OSBPL10: variants seen among roughly 807,000 people sequenced by gnomAD.
OSBPL10 encodes oxysterol-binding protein-related protein 10.
A neutral mutation model predicts 81.7 loss-of-function variants in OSBPL10; 49 were observed. The observed-to-expected ratio is 0.60, with a 90% CI of 0.48 to 0.76. The LOEUF (loss-of-function observed/expected upper bound fraction) is 0.76, where lower values mean the gene tolerates loss of function less well. OSBPL10 is among the 30% of genes least tolerant of loss of function. OSBPL10 has a pLI of 0.00. For synonymous variants in OSBPL10, 419 were observed against 383.6 expected, an observed-to-expected ratio of 1.09 and a Z score of -1.08; for missense variants, 923 against 987.8, an observed-to-expected ratio of 0.93 and a Z score of 0.88.
chr3:31,828,158 G>A (rs754380884), intron 4 of OSBPL10, among the ~76,000 whole-genome samples: 12 of 152,132 alleles, frequency 7.9e-5, no homozygotes, highest in Non-Finnish European at 1.3e-4. Flanking sequence ...ACTAATCTGC[G>A]ATGAGGTCTA....
chr3:31,823,753 C>T (rs532483921), intron 4 of OSBPL10, among the ~76,000 whole-genome samples: 4 of 151,974 alleles, frequency 2.6e-5, no homozygotes, highest in East Asian at 1.9e-4. Flanking sequence ...ATCTAGAGTG[C>T]GTGTTATATT....
chr3:31,779,536 C>G (rs527836831), intron 4 of OSBPL10, among the ~76,000 whole-genome samples: 56 of 152,158 alleles, frequency 3.7e-4, no homozygotes, highest in Non-Finnish European at 6.6e-4. Context: ...ATATATGCAC[C>G]TGGAGCTCCC....
At chr3:32,056,782 G>A (rs1020885561) in intron 1 of OSBPL10, among the ~76,000 whole-genome samples, 3 of 152,200 alleles carry the variant, frequency 2.0e-5, no homozygotes, top group Admixed American at 1.3e-4. Flanking sequence ...TTGAAAAGGG[G>A]CTGGGTAAAA....
chr3:32,054,526 C>CTTTTTTTTTTTTTTTT (rs755489489), intron 1 of OSBPL10, among the ~76,000 whole-genome samples: 2 of 86,624 alleles, frequency 2.3e-5, no homozygotes, highest in Non-Finnish European at 4.0e-5. Context: ...TCAATGGTGG[C>CTTTTTTTTTTTTTTTT]TTTTTTTTTT....
At chr3:31,765,378 C>T (rs1437298041) in intron 4 of OSBPL10, among the ~76,000 whole-genome samples, 2 of 151,984 alleles carry the variant, frequency 1.3e-5, no homozygotes, top group Admixed American at 1.3e-4. Context: ...TTTCTCTTGC[C>T]CTTACCAGGC....
chr3:31,690,742 T>C (rs986174694), intron 7 of OSBPL10, among the ~76,000 whole-genome samples: 4 of 152,170 alleles, frequency 2.6e-5, no homozygotes, highest in African/African-American at 9.7e-5. Flanking sequence ...GGGAGCAGAA[T>C]TACTATTTCC....
intron 3 of OSBPL10, among the ~76,000 whole-genome samples, chr3:31,862,585 T>C (rs922770604): frequency 2.0e-5 from 3 of 152,182 alleles, no homozygotes; most frequent in Admixed American, 2.0e-4. Flanking sequence ...ATAACTCATA[T>C]GACTCAATAA....
At chr3:32,049,928 C>G (rs1156374385) in intron 1 of OSBPL10, among the ~76,000 whole-genome samples, 2 of 152,158 alleles carry the variant, frequency 1.3e-5, no homozygotes, top group African/African-American at 2.4e-5. Context: ...CACTTTTCTC[C>G]CTTCCCTTTC....
At chr3:31,827,665 T>C (rs942186025) in intron 4 of OSBPL10, among the ~76,000 whole-genome samples, 3 of 152,014 alleles carry the variant, frequency 2.0e-5, no homozygotes, top group African/African-American at 7.2e-5. Context: ...TTTAGATTGC[T>C]CTGTATAGAT....
chr3:31,701,231 G>A (rs1299174211), intron 7 of OSBPL10, among the ~76,000 whole-genome samples: 1 of 152,164 alleles, frequency 6.6e-6, no homozygotes, highest in Non-Finnish European at 1.5e-5. Flanking sequence ...AGATGAGATT[G>A]TGGAATCCAG....
chr3:31,971,450 C>T (rs187606970), intron 1 of OSBPL10, among the ~76,000 whole-genome samples: 92 of 152,228 alleles, frequency 6.0e-4, no homozygotes, highest in African/African-American at 2.0e-3. Flanking sequence ...CTAATGAGTG[C>T]TTTCTATGTG....
intron 2 of OSBPL10, among the ~76,000 whole-genome samples, chr3:32,010,100 G>A (rs940298532): frequency 6.6e-6 from 1 of 151,948 alleles, no homozygotes; most frequent in Non-Finnish European, 1.5e-5. Flanking sequence ...GAGTCAAAGA[G>A]GAAGTCTCTC....
chr3:31,695,757 C>T lies in OSBPL10; in HGVS notation c.1245+6602G>A, dbSNP rs555726943. Reference sequence around the variant, plus strand: ...TCCTCCTACCTGCTTCCTCTCTCTACTTGTTCCCTGTCTTCTCCTCCCTTC... The same window carrying T: ...TCCTCCTACCTGCTTCCTCTCTCTATTTGTTCCCTGTCTTCTCCTCCCTTC... On this transcript the variant is annotated intron_variant, in intron 7 of 11. Transcript: ENST00000396556. 2.6e-5 allele frequency among the ~76,000 whole-genome samples: 4 copies of T among 152,294 alleles called. No individual in the cohort carries two copies. In the South Asian group the frequency reaches 8.3e-4, roughly 32 times the overall value.
chr3:31,864,227 G>A (rs934366185), intron 3 of OSBPL10, among the ~76,000 whole-genome samples: 1 of 151,984 alleles, frequency 6.6e-6, no homozygotes, highest in African/African-American at 2.4e-5. Context: ...AAGTATAAGG[G>A]GCTTTCTCTT....
chr3:31,717,633 A>C (rs1370510091), intron 6 of OSBPL10, among the ~76,000 whole-genome samples: 2 of 152,108 alleles, frequency 1.3e-5, no homozygotes, highest in Non-Finnish European at 2.9e-5. Flanking sequence ...AACAGCAGGC[A>C]TTTTCTATTC....
chr3:31,756,333 C>T (rs1697885183), intron 4 of OSBPL10, among the ~76,000 whole-genome samples: 1 of 152,282 alleles, frequency 6.6e-6, no homozygotes. Context: ...TTCCACTGTC[C>T]CTCAGCCCAC....
intron 1 of OSBPL10, among the ~76,000 whole-genome samples, chr3:31,968,189 C>T (rs1427673671): frequency 2.6e-5 from 4 of 151,906 alleles, no homozygotes; most frequent in African/African-American, 4.8e-5. Context: ...AAAATAAATA[C>T]TTGACATGGA....
At chr3:31,702,629 T>C in intron 6 of OSBPL10, 121 bp from the exon 7 acceptor site, 2 of 1,381,140 alleles carry the variant, frequency 1.4e-6, no homozygotes, top group Non-Finnish European at 9.8e-7. Context: ...GCAGAGCTCC[T>C]CTGTGACCCA....
At chr3:31,965,165 T>G (rs766996570) in intron 1 of OSBPL10, among the ~76,000 whole-genome samples, 84 of 151,564 alleles carry the variant, frequency 5.5e-4, no homozygotes, top group African/African-American at 1.5e-3. Context: ...GTCAGGAGAT[T>G]GTGACCATCC....
Sources: allele counts gnomAD v4.1 joint callset (sites outside exome capture counted in the v4.1 genomes callset), GRCh38; gene constraint gnomAD v4.1.1; transcripts MANE v1.5; gene names NCBI Gene and HGNC (gene_info 2026-07-23, HGNC 2026-07-21).